SLC41A2: variants seen among roughly 807,000 people sequenced by gnomAD.
SLC41A2 encodes SLC41A1-like 1.
SLC41A2 carries 32 observed loss-of-function variants against 58.3 expected under a neutral mutation model. The ratio of observed to expected loss-of-function variants is 0.55; its 90% CI spans 0.41 to 0.74. The LOEUF is 0.74. Among genes scored for constraint, SLC41A2 ranks in the 30% least tolerant of loss-of-function variants. SLC41A2 has a pLI of 0.00. For synonymous variants in SLC41A2, 190 were observed against 235.0 expected (o/e 0.81, Z 1.75); for missense variants, 514 against 680.6 (o/e 0.76, Z 2.72).
At chr12:104,900,022 A>G (rs147293785) in intron 3 of SLC41A2, among the ~76,000 whole-genome samples, 1 of 152,176 alleles carries the variant, frequency 6.6e-6, no homozygotes, top group East Asian at 1.9e-4. Flanking sequence ...CCTTTTCTGT[A>G]CTTCTAGAAT....
At chr12:104,903,154 A>G (rs1008775206) in intron 3 of SLC41A2, among the ~76,000 whole-genome samples, 4 of 152,170 alleles carry the variant, frequency 2.6e-5, no homozygotes, top group Non-Finnish European at 5.9e-5. Flanking sequence ...CTCTCACTGC[A>G]TTCCCTGTTA....
intron 1 of SLC41A2, among the ~76,000 whole-genome samples, chr12:104,947,229 A>C (rs1593191900): frequency 1.0e-5 from 1 of 97,858 alleles, no homozygotes; most frequent in Admixed American, 1.4e-4. Flanking sequence ...TTTGAGACAG[A>C]GTTTCATTCT....
At chr12:104,948,229 C>T (rs753933484) in intron 1 of SLC41A2, among the ~76,000 whole-genome samples, 6 of 151,882 alleles carry the variant, frequency 4.0e-5, no homozygotes, top group African/African-American at 7.3e-5. Context: ...TGGATAATGA[C>T]GAAAAAAATG....
At chr12:104,853,708 A>AATGTATGTATGTACGT (rs1555202388) in intron 8 of SLC41A2, among the ~76,000 whole-genome samples, 1 of 142,580 alleles carries the variant, frequency 7.0e-6, no homozygotes, top group African/African-American at 2.6e-5. Context: ...TTTTTAAATA[A>AATGTATGTATGTACGT]ATGTATGTAT....
At chr12:104,953,174 T>C (rs957658049) in intron 1 of SLC41A2, among the ~76,000 whole-genome samples, 1 of 152,234 alleles carries the variant, frequency 6.6e-6, no homozygotes, top group Non-Finnish European at 1.5e-5. Context: ...ATAATCTATA[T>C]ATTTAACTAC....
chr12:104,939,485 G>A (rs967894017), intron 1 of SLC41A2, among the ~76,000 whole-genome samples: 1 of 152,062 alleles, frequency 6.6e-6, no homozygotes, highest in African/African-American at 2.4e-5. Context: ...TTACAGGCAC[G>A]AGCCACCATG....
chr12:104,853,911 A>ATTTTTTTTTTTTTTTT (rs1555202443), intron 8 of SLC41A2, among the ~76,000 whole-genome samples: 8 of 59,494 alleles, frequency 1.3e-4, no homozygotes, highest in African/African-American at 5.5e-4. Context: ...TGCCTGGCTG[A>ATTTTTTTTTTTTTTTT]TTTTTTTTTT....
At chr12:104,919,363 G>A (rs917521772) in intron 2 of SLC41A2, among the ~76,000 whole-genome samples, 7 of 152,178 alleles carry the variant, frequency 4.6e-5, no homozygotes, top group African/African-American at 7.2e-5. Context: ...TAAATGCCCA[G>A]GAATGCAGTT....
At chr12:104,891,661 GT>G (rs541962289) in intron 4 of SLC41A2, among the ~76,000 whole-genome samples, 6 of 151,606 alleles carry the variant, frequency 4.0e-5, no homozygotes, top group African/African-American at 1.2e-4. Flanking sequence ...TTTCACCACT[GT>G]TTTTTTAACA....
At chr12:104,869,174 T>C (rs1469206880) in intron 6 of SLC41A2, among the ~76,000 whole-genome samples, 1 of 152,152 alleles carries the variant, frequency 6.6e-6, no homozygotes, top group Admixed American at 6.5e-5. Context: ...CCAGCGTTTC[T>C]GTTTGAGGTG....
intron 2 of SLC41A2, among the ~76,000 whole-genome samples, chr12:104,915,808 T>C (rs2046293087): frequency 6.6e-6 from 1 of 152,198 alleles, no homozygotes; most frequent in Non-Finnish European, 1.5e-5. Context: ...AACACTATGT[T>C]GAATAGGAGT....
intron 2 of SLC41A2, among the ~76,000 whole-genome samples, chr12:104,926,652 A>G (rs1338385625): frequency 3.9e-5 from 6 of 152,204 alleles, no homozygotes; most frequent in Non-Finnish European, 7.3e-5. Context: ...TTTTAAAAAT[A>G]AATAAAAGAT....
intron 6 of SLC41A2, among the ~76,000 whole-genome samples, chr12:104,876,692 C>A (rs1249909723): frequency 2.6e-5 from 4 of 152,046 alleles, no homozygotes; most frequent in Non-Finnish European, 5.9e-5. Flanking sequence ...TGTTTTGTGG[C>A]CTAATATATG....
intron 1 of SLC41A2, among the ~76,000 whole-genome samples, chr12:104,940,250 G>A (rs2047451411): frequency 6.6e-6 from 1 of 151,824 alleles, no homozygotes; most frequent in African/African-American, 2.4e-5. Flanking sequence ...GACCCCAGGT[G>A]ATCCACCTGC....
intron 6 of SLC41A2, among the ~76,000 whole-genome samples, chr12:104,869,979 T>C (rs2043679030): frequency 6.6e-6 from 1 of 152,224 alleles, no homozygotes; most frequent in Non-Finnish European, 1.5e-5. Flanking sequence ...ATATTTTGTA[T>C]TAAAATCTGG....
chr12:104,872,247 A>G (rs2043819721), intron 6 of SLC41A2, among the ~76,000 whole-genome samples: 1 of 152,188 alleles, frequency 6.6e-6, no homozygotes, highest in Admixed American at 6.5e-5. Context: ...CCAGGGTAAA[A>G]ACTTTAACTT....
At chr12:104,952,004 T>A (rs1441474103) in intron 1 of SLC41A2, among the ~76,000 whole-genome samples, 1 of 151,910 alleles carries the variant, frequency 6.6e-6, no homozygotes, top group East Asian at 1.9e-4. Flanking sequence ...AACCACAATG[T>A]TTATTGTTCT....
intron 4 of SLC41A2, among the ~76,000 whole-genome samples, chr12:104,891,337 A>G (rs1227625124): frequency 1.3e-5 from 2 of 152,108 alleles, no homozygotes; most frequent in Admixed American, 1.3e-4. Flanking sequence ...ATGATAAAGG[A>G]AAAGTGAAGA....
intron 8 of SLC41A2, among the ~76,000 whole-genome samples, chr12:104,853,926 T>TTTTATTTTTTA (rs2042917041): frequency 8.4e-6 from 1 of 118,850 alleles, no homozygotes; most frequent in African/African-American, 3.1e-5. Flanking sequence ...TTTTTTTTTT[T>TTTTATTTTTTA]TTTTTTTTTT....
Sources: gnomAD v4.1 joint callset for allele counts (sites outside exome capture counted in the v4.1 genomes callset) on GRCh38, gnomAD v4.1.1 for gene constraint, MANE v1.5 for transcripts, NCBI Gene and HGNC (gene_info 2026-07-23, HGNC 2026-07-21) for gene names.